IK: variants seen among roughly 807,000 people sequenced by gnomAD.
IK encodes protein Red.
Under a neutral mutation model 90.9 loss-of-function variants are expected in IK, and 47 were observed. That is an observed-to-expected ratio of 0.52 (90% CI 0.41 to 0.66). IK has a LOEUF of 0.66. Among genes scored for constraint, IK ranks in the 30% least tolerant of loss-of-function variants. The probability of loss-of-function intolerance (pLI) is 0.00; values close to 1 mark genes in which losing one functional copy is unlikely to be tolerated. For synonymous variants in IK, 201 were observed against 227.5 expected, an observed-to-expected ratio of 0.88 and a Z score of 1.05; for missense variants, 385 against 709.3, an observed-to-expected ratio of 0.54 and a Z score of 5.19.
Position 140,661,101 on chromosome 5 carries a change from G to T in IK, c.1413+286G>T, listed in dbSNP as rs1433648420. 7.9e-6 allele frequency: 3 copies of T among 378,838 alleles called. No homozygotes were observed. The East Asian group carries it at 1.2e-4, about 15-fold the overall frequency. 23.5% of individuals were successfully genotyped at this position (378,838 alleles called of 1,614,324 possible). On this transcript the variant is annotated intron_variant, in intron 16 of 19. Coordinates refer to ENST00000417647, the MANE Select transcript of IK (RefSeq NM_006083.4). The surrounding 1 kb of genome is among the most constrained non-coding windows in gnomAD (Gnocchi z 4.2). ...GTAAGCAAGCATCAATGCATAAGTA[G>T]AAAGGGCAGAAAAAATTGCAGTCTT...
At position 140,659,762 on chromosome 5, in the gene IK, G is replaced by A; in HGVS notation, c.1202G>A (p.Gly401Glu). The change falls in exon 14 of 20, where the codon GGG (glycine) becomes GAG (glutamate). Residue 401 changes from glycine (G) to glutamate (E), a missense_variant. Gly to Glu is a moderately conservative substitution (Grantham distance 98, BLOSUM62 -2). Around this residue, in one of 8 missense-constraint regions of IK, gnomAD observed 139 missense variants for 172.0 expected, o/e 0.81. Coordinates refer to ENST00000417647, the MANE Select transcript of IK (RefSeq NM_006083.4). ...DEPMDVDKGP[G>E]STKELIKSIN... ...GAGTTCTCTTTTCTCCTAGGACCTGGGTCTACCAAGGAGTTGATCAAGTCC... is the reference window on the plus strand; with the variant it reads ...GAGTTCTCTTTTCTCCTAGGACCTGAGTCTACCAAGGAGTTGATCAAGTCC... 6.3e-7 allele frequency: 1 copy of A among 1,591,818 alleles called. No individual in the cohort carries two copies.
At chr5:140,659,965 C>A in intron 14 of IK, 131 bp downstream of exon 14, 1 of 931,258 alleles carries the variant, frequency 1.1e-6, no homozygotes. Flanking sequence ...CAGAATGAAA[C>A]CATCCCTTGT....
chr5:140,654,135 C>A, intron 6 of IK, 83 bp downstream of exon 6: 1 of 783,318 alleles, frequency 1.3e-6, no homozygotes, highest in Non-Finnish European at 2.2e-6. Flanking sequence ...GAGGGAGATT[C>A]CTGAGAGTTC....
intron 13 of IK, 69 bp downstream of exon 13, chr5:140,659,402 T>C: frequency 6.4e-7 from 1 of 1,553,844 alleles, no homozygotes; most frequent in South Asian, 1.1e-5. Context: ...GGCTCAGAGC[T>C]GGCAACGGTG....
chr5:140,655,813 C>A lies in IK; in HGVS notation c.638-16C>A. On this transcript the variant is annotated splice_polypyrimidine_tract_variant and intron_variant, in intron 8 of 19. Transcript: ENST00000417647. Reference sequence around the variant, plus strand: ...TTGTAGATCCTGGCTACTTGCTGCTCTTCTCCTTATTGTAGGCCGCAATGT... The same window carrying A: ...TTGTAGATCCTGGCTACTTGCTGCTATTCTCCTTATTGTAGGCCGCAATGT... 1 of 1,607,290 alleles carries A rather than the reference C, an allele frequency of 6.2e-7. No individual in the cohort carries two copies. The highest frequency in any genetic ancestry group is 1.1e-5 in the South Asian group (1 of 89,494).
chr5:140,655,260 T>C (rs1009253252), intron 8 of IK, among the ~76,000 whole-genome samples: 4 of 152,194 alleles, frequency 2.6e-5, no homozygotes, highest in Non-Finnish European at 5.9e-5. Context: ...AGTTCAAAAC[T>C]TGGAGTCAGA....
At chr5:140,648,263 T>G (rs1757529445) in intron 1 of IK, 1 of 707,254 alleles carries the variant, frequency 1.4e-6, no homozygotes, top group Admixed American at 2.0e-5. Flanking sequence ...TCCGGAAGTC[T>G]TCTCTGATCC....
At chr5:140,649,685 C>A (rs1757581632) in intron 2 of IK, among the ~76,000 whole-genome samples, 2 of 151,910 alleles carry the variant, frequency 1.3e-5, no homozygotes, top group Non-Finnish European at 2.9e-5. Context: ...ACAGGCATGC[C>A]CCACCATGCT....
At chr5:140,647,951 T>C (rs1466233992) in intron 1 of IK, 27 bp downstream of exon 1, 1 of 1,612,974 alleles carries the variant, frequency 6.2e-7, no homozygotes, top group South Asian at 1.1e-5. Context: ...CCGTTATTTC[T>C]TCCCCATGGC....
Position 140,661,817 on chromosome 5 carries a change from G to A in IK, c.1503-82G>A, listed in dbSNP as rs1757805873. 4 of 1,433,020 alleles carry A rather than the reference G, an allele frequency of 2.8e-6. No individual in the cohort carries two copies. The highest frequency in any genetic ancestry group is 3.9e-6 in the Non-Finnish European group (4 of 1,037,048). The allele number at this position is 1,433,020 out of a possible 1,614,324, so 88.8% of individuals were successfully genotyped here. Reference sequence around the variant, plus strand: ...GTCTGGCTGAGATGTTCCCCACTAAGTTCTTTGCCCACAGGACTCTGGGAA... The same window carrying A: ...GTCTGGCTGAGATGTTCCCCACTAAATTCTTTGCCCACAGGACTCTGGGAA... On this transcript the variant is annotated intron_variant, in intron 17 of 19. Coordinates refer to ENST00000417647, the MANE Select transcript of IK (RefSeq NM_006083.4). The surrounding 1 kb of genome is among the most constrained non-coding windows in gnomAD (Gnocchi z 4.2).
rs931938550 is a variant in IK, at chr5:140,654,746, C to T, written c.637+19C>T. 6.7e-7 allele frequency: 1 copy of T among 1,495,830 alleles called. No homozygotes were observed. Among genetic ancestry groups the T allele is most frequent in the African/African-American group, 1.4e-5 (1 of 72,294 alleles). The allele number at this position is 1,495,830 out of a possible 1,614,324, so 92.7% of individuals were successfully genotyped here. A position where few individuals can be genotyped will look rare whatever the true frequency, so the allele number is the denominator to read the frequency against. ...CGTCTGGGTGAGTACAGTTTCTATACTAGTGACTATGCATTCTGGATGAAT... is the reference window on the plus strand; with the variant it reads ...CGTCTGGGTGAGTACAGTTTCTATATTAGTGACTATGCATTCTGGATGAAT... On this transcript the variant is annotated intron_variant, in intron 8 of 19. Transcript: ENST00000417647.
In IK at chr5:140,659,318, A is replaced by G. The variant is rs898507786; in HGVS notation, c.1180A>G (p.Met394Val). ...TCACATTTTGTGTTCTTTCCAGCCC[A>G]TGGACGTTGACAAAGGTGAGTTGTA... Reference protein sequence around the residue: ...FEKPKVDDEPMDVDKGPGSTK... With the variant: ...FEKPKVDDEPVDVDKGPGSTK... Residue 394 changes from methionine (M) to valine (V), a missense_variant, in exon 13 of 20, where the codon ATG (methionine) becomes GTG (valine). This residue lies in a region of IK where 139 missense variants were observed against 172.0 expected (regional missense o/e 0.81). Transcript: ENST00000417647. 21 of 1,613,870 alleles carry G rather than the reference A, an allele frequency of 1.3e-5. No individual in the cohort carries two copies. The highest frequency in any genetic ancestry group is 4.4e-5 in the South Asian group (4 of 91,088).
At chr5:140,648,740 A>AT in intron 2 of IK, 18 of 508,622 alleles carry the variant, frequency 3.5e-5, no homozygotes, top group East Asian at 6.3e-5. Flanking sequence ...AAAGGTGTTA[A>AT]GTTTTTTTTT....
chr5:140,654,660 A>G, intron 7 of IK, 21 bp from the exon 8 acceptor site: 1 of 1,595,666 alleles, frequency 6.3e-7, no homozygotes, highest in Non-Finnish European at 8.6e-7. Context: ...TAGCAAAAAT[A>G]AAACTTTTTT....
In IK at chr5:140,654,743, A is replaced by T. The variant is rs979215478; in HGVS notation, c.637+16A>T. 4 of 1,516,942 alleles carry T rather than the reference A, an allele frequency of 2.6e-6. No homozygotes were observed. The African/African-American group carries it at 5.5e-5, about 21-fold the overall frequency. The allele number at this position is 1,516,942 out of a possible 1,614,324, so 94.0% of individuals were successfully genotyped here. Reference sequence around the variant, plus strand: ...ACACGTCTGGGTGAGTACAGTTTCTATACTAGTGACTATGCATTCTGGATG... The same window carrying T: ...ACACGTCTGGGTGAGTACAGTTTCTTTACTAGTGACTATGCATTCTGGATG... On this transcript the variant is annotated intron_variant, in intron 8 of 19. Coordinates refer to ENST00000417647, the MANE Select transcript of IK (RefSeq NM_006083.4).
At position 140,660,889 on chromosome 5, in the gene IK, CT is replaced by C; in HGVS notation, c.1413+75del. 3 of 1,141,878 alleles carry C rather than the reference CT, an allele frequency of 2.6e-6. 1 individual carries two copies. Among genetic ancestry groups the C allele is most frequent in the Non-Finnish European group, 4.0e-6 (3 of 755,250 alleles). 70.7% of individuals were successfully genotyped at this position (1,141,878 alleles called of 1,614,324 possible). ...TTTACATGTATCTCCTTCCCCACTC[CT>C]AAAAAATCTATCTCATTTACTGGGC... On this transcript the variant is annotated intron_variant, in intron 16 of 19. Transcript: ENST00000417647.
Position 140,653,991 on chromosome 5 carries a change from T to A in IK, c.458T>A (p.Leu153Ter). 1 of 1,613,382 alleles carries A rather than the reference T, an allele frequency of 6.2e-7. No individual in the cohort carries two copies. Among genetic ancestry groups the A allele is most frequent in the Non-Finnish European group, 8.5e-7 (1 of 1,179,392 alleles). ...CAGTTGATCCAGGAGTCCAAATTCT[T>A]GGGTGGTGACATGGAACACACCCAT... ...RRQLIQESKF[L>*]GGDMEHTHLV... is the part of the protein sequence containing the mutation. The change falls in exon 6 of 20, where the codon TTG becomes TAG. Residue 153 changes from leucine (L) to a stop codon, truncating the protein, a stop_gained. Coordinates refer to ENST00000417647, the MANE Select transcript of IK (RefSeq NM_006083.4). LOFTEE classifies it high-confidence loss of function.
Position 140,655,889 on chromosome 5 carries a change from T to TGCCGG in IK, c.703_707dup (p.Met237AlafsTer7), listed in dbSNP as rs1167803661. 2 of 1,603,862 alleles carry TGCCGG rather than the reference T, an allele frequency of 1.2e-6. No individual in the cohort carries two copies. ...GCATATGAGCGGAATGAGTTGTTCC[T>TGCCGG]GCCGGGCCGCATGGCCTATGTGGTA... On this transcript the variant is annotated frameshift_variant, in exon 9 of 20. Coordinates refer to ENST00000417647, the MANE Select transcript of IK (RefSeq NM_006083.4). LOFTEE classifies it high-confidence loss of function.
intron 12 of IK, 36 bp from the exon 13 acceptor site, chr5:140,659,279 T>C: frequency 6.2e-7 from 1 of 1,613,790 alleles, no homozygotes; most frequent in South Asian, 1.1e-5. Context: ...GAATCTCTCA[T>C]GGTAACACTA....
Sources: allele counts gnomAD v4.1 joint callset (sites outside exome capture counted in the v4.1 genomes callset), GRCh38; gene constraint gnomAD v4.1.1; regional missense constraint gnomAD v4.1.1; non-coding constraint Gnocchi (gnomAD v3.1); transcripts MANE v1.5; gene names NCBI Gene and HGNC (gene_info 2026-07-23, HGNC 2026-07-21).